ZNF471: variants seen among roughly 807,000 people sequenced by gnomAD.
ZNF471 encodes the protein zinc finger protein 471, also known as EZFIT-related protein 1.
A neutral mutation model predicts 13.7 loss-of-function variants in ZNF471; 7 were observed. The observed-to-expected ratio is 0.51, with a 90% confidence interval of 0.29 to 0.96. The LOEUF (loss-of-function observed/expected upper bound fraction) is 0.96, where lower values mean the gene tolerates loss of function less well. ZNF471 is among the 40% of genes least tolerant of loss of function. The pLI, the probability that ZNF471 is intolerant of heterozygous loss-of-function variation, is 0.08. For synonymous variants in ZNF471, 218 were observed against 235.6 expected, an observed-to-expected ratio of 0.93 and a Z score of 0.68; for missense variants, 663 against 743.3, an observed-to-expected ratio of 0.89 and a Z score of 1.26.
At position 56,524,883 on chromosome 19, in the gene ZNF471, A is replaced by T. The variant is rs780371178; in HGVS notation, c.816A>T (p.Lys272Asn). 3.7e-6 allele frequency: 6 copies of T among 1,611,062 alleles called. No individual in the cohort carries two copies. The East Asian group carries it at 1.3e-4, about 36-fold the overall frequency. ...GTAAAGAATGTAGGAAAGCCTTCAAACAAAGTGAACACCTTATTCAGCATC... is the reference window on the plus strand; with the variant it reads ...GTAAAGAATGTAGGAAAGCCTTCAATCAAAGTGAACACCTTATTCAGCATC... ...FECKECRKAF[K>N]QSEHLIQHQR... Residue 272 changes from lysine (K) to asparagine (N), a missense_variant, in exon 5 of 5, where the codon AAA becomes AAT. Transcript: ENST00000308031. This position sits in a 1 kb window ranked among gnomAD's most constrained non-coding sequence, Gnocchi z 4.8.
intron 1 of ZNF471, chr19:56,511,101 T>G (rs886152558): frequency 7.4e-6 from 7 of 943,862 alleles, no homozygotes; most frequent in African/African-American, 3.6e-5. Context: ...TTTTGTTTTT[T>G]TTTTTTTCCC....
At position 56,516,238 on chromosome 19, in the gene ZNF471, G is replaced by A. The variant is rs1212727327; in HGVS notation, c.34-37G>A. The A allele has an allele frequency of 5.0e-6, 8 of 1,605,358 alleles. No individual in the cohort carries two copies. Among genetic ancestry groups the A allele is most frequent in the South Asian group, 4.4e-5 (4 of 90,314 alleles). On this transcript the variant is annotated intron_variant, in intron 2 of 4. Transcript: ENST00000308031. The surrounding 1 kb of genome is among the most constrained non-coding windows in gnomAD (Gnocchi z 4.4). Reference sequence around the variant, plus strand: ...TCAACTCAGAGTTATCTTTGGACACGAGCATTGGTTGGTTAAGAATATATT... The same window carrying A: ...TCAACTCAGAGTTATCTTTGGACACAAGCATTGGTTGGTTAAGAATATATT...
intron 2 of ZNF471, among the ~76,000 whole-genome samples, chr19:56,513,469 ACT>A (rs2043837070): frequency 6.7e-6 from 1 of 150,338 alleles, no homozygotes; most frequent in Non-Finnish European, 1.5e-5. Context: ...CATAACTGAC[ACT>A]GTTTTATATG....
intron 1 of ZNF471, chr19:56,511,072 A>T: frequency 1.1e-5 from 10 of 948,344 alleles, no homozygotes; most frequent in Middle Eastern, 5.4e-4. Context: ...GGCATTTGGG[A>T]GTCAGATTTT....
intron 4 of ZNF471, among the ~76,000 whole-genome samples, chr19:56,523,849 G>C (rs994557903): frequency 1.5e-4 from 23 of 152,030 alleles, no homozygotes; most frequent in African/African-American, 5.3e-4. Flanking sequence ...TTTGAGACAG[G>C]GTCTTGCTCT....
At position 56,507,871 on chromosome 19, in the gene ZNF471, C is replaced by G. The variant is rs988020134; in HGVS notation, c.-105C>G. The G allele has an allele frequency of 1.0e-6, 1 of 985,452 alleles. No homozygotes were observed. The highest frequency in any genetic ancestry group is 1.2e-6 in the Non-Finnish European group (1 of 830,066). The allele number at this position is 985,452 out of a possible 1,614,324, so 61.0% of individuals were successfully genotyped here. On this transcript the variant is annotated 5_prime_UTR_variant, in exon 1 of 5. Transcript: ENST00000308031. ...GCGCGATGGGGGGTTCCAGCGTCGA[C>G]TCACGGAGTCCTTCGGATGAGAGCG...
Position 56,516,131 on chromosome 19 carries a change from G to C in ZNF471, c.34-144G>C, listed in dbSNP as rs2043884604. On this transcript the variant is annotated intron_variant, in intron 2 of 4. Coordinates refer to ENST00000308031, the MANE Select transcript of ZNF471 (RefSeq NM_020813.4). The surrounding 1 kb of genome is among the most constrained non-coding windows in gnomAD (Gnocchi z 4.4). Reference sequence around the variant, plus strand: ...CCAATGCAGTTAAACACTTCCATAAGTACTGTTTTGGCTTGGATCTTCCTA... The same window carrying C: ...CCAATGCAGTTAAACACTTCCATAACTACTGTTTTGGCTTGGATCTTCCTA... The C allele has an allele frequency of 1.4e-6, 1 of 734,026 alleles. No individual in the cohort carries two copies. Among genetic ancestry groups the C allele is most frequent in the Non-Finnish European group, 2.2e-6 (1 of 452,736 alleles). The allele number at this position is 734,026 out of a possible 1,614,324, so 45.5% of individuals were successfully genotyped here. A position where few individuals can be genotyped will look rare whatever the true frequency, so the allele number is the denominator to read the frequency against.
Position 56,524,439 on chromosome 19 carries a change from T to C in ZNF471, c.372T>C (p.Asn124=). The C allele has an allele frequency of 6.2e-7, 1 of 1,613,588 alleles. No individual in the cohort carries two copies. The highest frequency in any genetic ancestry group is 8.5e-7 in the Non-Finnish European group (1 of 1,179,910). The change falls in exon 5 of 5, where the codon AAT becomes AAC. Residue 124 remains asparagine, a synonymous_variant. Coordinates refer to ENST00000308031, the MANE Select transcript of ZNF471 (RefSeq NM_020813.4). The surrounding 1 kb of genome is among the most constrained non-coding windows in gnomAD (Gnocchi z 4.8). ...YGLECSTFEE[N]WKWEDLFEKQ... is the part of the protein sequence containing the mutation. ...TTGAGTGTTCCACTTTTGAAGAAAA[T>C]TGGAAATGGGAAGACCTTTTTGAGA...
In ZNF471 at chr19:56,528,512, T is replaced by C. The variant is rs1327384786; in HGVS notation, c.*2564T>C. 6.6e-6 allele frequency: 1 copy of C among 152,166 alleles called. No individual in the cohort carries two copies. The highest frequency in any genetic ancestry group is 2.4e-5 in the African/African-American group (1 of 41,434). The allele number at this position is 152,166 out of a possible 1,614,324, so 9.4% of individuals were successfully genotyped here. On this transcript the variant is annotated 3_prime_UTR_variant, in exon 5 of 5. Coordinates refer to ENST00000308031, the MANE Select transcript of ZNF471 (RefSeq NM_020813.4). ...GTGACCCTCCCACCTCATTCTCAAGTGGCTGCAATTACAGGCAACCAGCCT... is the reference window on the plus strand; with the variant it reads ...GTGACCCTCCCACCTCATTCTCAAGCGGCTGCAATTACAGGCAACCAGCCT...
intron 2 of ZNF471, among the ~76,000 whole-genome samples, chr19:56,513,094 A>G (rs1266953502): frequency 1.3e-5 from 2 of 152,130 alleles, no homozygotes; most frequent in African/African-American, 4.8e-5. Flanking sequence ...CACCATACAC[A>G]ACAGAATTAG....
chr19:56,518,524 A>G lies in ZNF471; in HGVS notation c.203A>G (p.Gln68Arg). Residue 68 changes from glutamine (Q) to arginine (R), a missense_variant, in exon 4 of 5, where the codon CAA becomes CGA. Gln to Arg is a conservative substitution (Grantham distance 43, BLOSUM62 1). Coordinates refer to ENST00000308031, the MANE Select transcript of ZNF471 (RefSeq NM_020813.4). ...CCATATGTGATCTCCTTATTGGAGC[A>G]AGGGAGAGAGCCTTGGGAGATGACG... Reference protein sequence around the residue: ...SKPYVISLLEQGREPWEMTSE... With the variant: ...SKPYVISLLERGREPWEMTSE... 6.2e-7 allele frequency: 1 copy of G among 1,613,820 alleles called. No individual in the cohort carries two copies. The highest frequency in any genetic ancestry group is 8.5e-7 in the Non-Finnish European group (1 of 1,179,902).
In ZNF471 at chr19:56,525,271, C is replaced by A; in HGVS notation, c.1204C>A (p.Pro402Thr). The A allele has an allele frequency of 6.2e-7, 1 of 1,611,790 alleles. No individual in the cohort carries two copies. ...TAGGAGAATTCATACAGGAGAGAAA[C>A]CTTACAAATGTGGTGTGTGTGGAAA... ...LHRRIHTGEKPYKCGVCGKTF... is the reference protein window; with the variant it reads ...LHRRIHTGEKTYKCGVCGKTF... The change falls in exon 5 of 5, where the codon CCT (proline) becomes ACT (threonine). Residue 402 changes from proline (P) to threonine (T), a missense_variant. Pro to Thr is a conservative substitution (Grantham distance 38). Transcript: ENST00000308031.
At chr19:56,520,385 A>G (rs954722213) in intron 4 of ZNF471, among the ~76,000 whole-genome samples, 15 of 152,206 alleles carry the variant, frequency 9.9e-5, no homozygotes, top group South Asian at 2.1e-4. Context: ...ATGTGACAAA[A>G]AAGTAAAATG....
chr19:56,511,778 GTAT>G lies in ZNF471; in HGVS notation c.33+175_33+177del, dbSNP rs1399991057. ...TACCTAATGAGTGAGTAATAGCTTAGTATAAAAAGTCATGGAGGTCCCTCTGAG... is the reference window on the plus strand; with the variant it reads ...TACCTAATGAGTGAGTAATAGCTTAGAAAAAGTCATGGAGGTCCCTCTGAG... On this transcript the variant is annotated intron_variant, in intron 2 of 4. Transcript: ENST00000308031. 3.1e-4 allele frequency among the ~76,000 whole-genome samples: 47 copies of G among 152,318 alleles called. No individual in the cohort carries two copies. The South Asian group carries it at 9.5e-3, about 31-fold the overall frequency.
rs775495494 is a variant in ZNF471 at position 56,525,774 on chromosome 19, A to T, written c.1707A>T (p.Lys569Asn). 5 of 1,614,120 alleles carry T rather than the reference A, an allele frequency of 3.1e-6. No individual in the cohort carries two copies. The highest frequency in any genetic ancestry group is 4.2e-6 in the Non-Finnish European group (5 of 1,180,012). Residue 569 changes from lysine to asparagine, a missense_variant, in exon 5 of 5, where the codon AAA (lysine) becomes AAT (asparagine). By Grantham distance (94) the Lys-to-Asn change is moderately conservative. Coordinates refer to ENST00000308031, the MANE Select transcript of ZNF471 (RefSeq NM_020813.4). ...ATCAAAGAATTCATACTGGAGAGAA[A>T]CCCTATAAATGTACTGAATGTGGAA... ...TQHQRIHTGE[K>N]PYKCTECGKA...
At position 56,522,895 on chromosome 19, in the gene ZNF471, C is replaced by CCCCGCTA. The variant is rs1479064840; in HGVS notation, c.257-1428_257-1422dup. ...GGGATTACAGGCAGGTGACACCATG[C>CCCCGCTA]CCCGCTAATTTTGTGTTTTTAGTAG... On this transcript the variant is annotated intron_variant, in intron 4 of 4. Transcript: ENST00000308031. This position sits in a 1 kb window ranked among gnomAD's most constrained non-coding sequence, Gnocchi z 4.1. Among the ~76,000 whole-genome samples the CCCCGCTA allele has an allele frequency of 6.6e-6, 1 of 152,038 alleles. No homozygotes were observed. Among genetic ancestry groups the CCCCGCTA allele is most frequent in the Non-Finnish European group, 1.5e-5 (1 of 68,012 alleles).
At position 56,510,322 on chromosome 19, in the gene ZNF471, G is replaced by C; in HGVS notation, c.-55-1195G>C. On this transcript the variant is annotated intron_variant, in intron 1 of 4. Transcript: ENST00000308031. This position sits in a 1 kb window ranked among gnomAD's most constrained non-coding sequence, Gnocchi z 4.3. ...GACCATCATGTTTATATGTGTGAAA[G>C]AGGGAGAGAAAGACTAGTGATGTGG... 1 of 985,476 alleles carries C rather than the reference G, an allele frequency of 1.0e-6. No individual in the cohort carries two copies. The highest frequency in any genetic ancestry group is 1.2e-6 in the Non-Finnish European group (1 of 829,942). 61.0% of individuals were successfully genotyped at this position (985,476 alleles called of 1,614,324 possible). A position where few individuals can be genotyped will look rare whatever the true frequency, so the allele number is the denominator to read the frequency against.
Position 56,508,032 on chromosome 19 carries a change from A to C in ZNF471, c.-56+112A>C, listed in dbSNP as rs2043755574. The C allele has an allele frequency of 5.1e-6, 5 of 985,564 alleles. No individual in the cohort carries two copies. The East Asian group carries it at 3.4e-4, about 67-fold the overall frequency. 61.1% of individuals were successfully genotyped at this position (985,564 alleles called of 1,614,324 possible). On this transcript the variant is annotated intron_variant, in intron 1 of 4. Coordinates refer to ENST00000308031, the MANE Select transcript of ZNF471 (RefSeq NM_020813.4). This position sits in a 1 kb window ranked among gnomAD's most constrained non-coding sequence, Gnocchi z 4.7. ...AGGCCCAGCCGCGTCCTCTGTCCCC[A>C]GGACGACTACATTTCCCAGAGGCCA... is the stretch of plus-strand genomic sequence containing the variant.
Position 56,530,086 on chromosome 19 carries a change from T to G in ZNF471, c.*4138T>G, listed in dbSNP as rs118156949. 1,518 of 152,372 alleles carry G rather than the reference T, an allele frequency of 1.0e-2. 10 individuals are homozygous for G. Among genetic ancestry groups the G allele is most frequent in the Middle Eastern group, 0.014 (4 of 294 alleles). The allele number at this position is 152,372 out of a possible 1,614,324, so 9.4% of individuals were successfully genotyped here. A position where few individuals can be genotyped will look rare whatever the true frequency, so the allele number is the denominator to read the frequency against. ...AGAAAATCAGTTTAGTAGATCACTG[T>G]GTAGTTACGGAAAATGAGATGGATC... On this transcript the variant is annotated 3_prime_UTR_variant, in exon 5 of 5. Transcript: ENST00000308031.
Sources: gnomAD v4.1 joint callset for allele counts (sites outside exome capture counted in the v4.1 genomes callset) on GRCh38, gnomAD v4.1.1 for gene constraint, Gnocchi (gnomAD v3.1) non-coding constraint, MANE v1.5 for transcripts, NCBI Gene and HGNC (gene_info 2026-07-23, HGNC 2026-07-21) for gene names.